PIBF1: variants seen among roughly 807,000 people sequenced by gnomAD.
PIBF1 encodes progesterone immunomodulatory binding factor 1.
In PIBF1, 90 loss-of-function variants were observed where a neutral mutation model predicts 112.5. The observed-to-expected ratio is 0.80, with a 90% CI of 0.67 to 0.95. The LOEUF (loss-of-function observed/expected upper bound fraction) is 0.95. PIBF1 is among the 40% of genes least tolerant of loss of function. The pLI, the probability that PIBF1 is intolerant of heterozygous loss-of-function variation, is 0.00. For missense variants in PIBF1, 915 were observed against 852.3 expected (o/e 1.07, Z -0.92); for synonymous variants, 301 against 288.6 (o/e 1.04, Z -0.44).
At chr13:72,790,214 C>T (rs1445789340) in intron 2 of PIBF1, among the ~76,000 whole-genome samples, 1 of 151,908 alleles carries the variant, frequency 6.6e-6, no homozygotes, top group Non-Finnish European at 1.5e-5. Context: ...CAAAATGGCA[C>T]TAAAATAATA....
At chr13:72,884,151 G>A (rs924615261) in intron 10 of PIBF1, among the ~76,000 whole-genome samples, 1 of 152,054 alleles carries the variant, frequency 6.6e-6, no homozygotes, top group South Asian at 2.1e-4. Flanking sequence ...TTTTGTATTA[G>A]CAGTTTGGAG....
intron 9 of PIBF1, among the ~76,000 whole-genome samples, chr13:72,837,221 T>A (rs1173998510): frequency 6.6e-6 from 1 of 152,078 alleles, no homozygotes; most frequent in East Asian, 1.9e-4. Flanking sequence ...GACATATTAA[T>A]TTTTAAAATA....
intron 9 of PIBF1, among the ~76,000 whole-genome samples, chr13:72,844,872 T>TCAGCCTCCCAAAGTGCTAGGATTA (rs985577598): frequency 1.4e-5 from 2 of 147,410 alleles, no homozygotes; most frequent in Non-Finnish European, 3.0e-5. Context: ...CCCGCCGACC[T>TCAGCCTCCCAAAGTGCTAGGATTA]CAGCCTCCCA....
At chr13:72,791,029 T>A (rs2034895945) in intron 2 of PIBF1, among the ~76,000 whole-genome samples, 1 of 139,508 alleles carries the variant, frequency 7.2e-6, no homozygotes, top group South Asian at 2.4e-4. Context: ...GCTGTGAAAT[T>A]CATGTATTTT....
At chr13:72,848,865 T>G (rs1181871252) in intron 9 of PIBF1, among the ~76,000 whole-genome samples, 1 of 152,154 alleles carries the variant, frequency 6.6e-6, no homozygotes, top group Non-Finnish European at 1.5e-5. Context: ...CTCTTTAAGT[T>G]TCTCATTTGA....
intron 14 of PIBF1, among the ~76,000 whole-genome samples, chr13:72,937,567 CCTAGCA>C (rs1306054036): frequency 2.6e-4 from 40 of 152,152 alleles, no homozygotes; most frequent in Non-Finnish European, 1.2e-4. Flanking sequence ...TGCCTGTAAT[CCTAGCA>C]CTTTGAGAGG....
At chr13:72,982,660 C>T (rs944040925) in intron 16 of PIBF1, among the ~76,000 whole-genome samples, 3 of 152,132 alleles carry the variant, frequency 2.0e-5, no homozygotes, top group African/African-American at 4.8e-5. Context: ...ATAATAAGTA[C>T]TCATTCAGAT....
At chr13:72,864,133 G>A (rs1036465655) in intron 10 of PIBF1, among the ~76,000 whole-genome samples, 5 of 152,172 alleles carry the variant, frequency 3.3e-5, no homozygotes, top group African/African-American at 1.2e-4. Context: ...ACTAAATCCT[G>A]CTTAAGGCCA....
intron 5 of PIBF1, among the ~76,000 whole-genome samples, chr13:72,817,610 G>A (rs1270876639): frequency 6.6e-6 from 1 of 152,114 alleles, no homozygotes; most frequent in East Asian, 1.9e-4. Flanking sequence ...AGTAATGGCT[G>A]CCCACAGCAC....
chr13:72,925,951 A>C (rs551882613), intron 13 of PIBF1, among the ~76,000 whole-genome samples: 2 of 152,182 alleles, frequency 1.3e-5, no homozygotes, highest in Admixed American at 1.3e-4. Context: ...CAGTTTATCC[A>C]ATTTTTTTTG....
intron 11 of PIBF1, among the ~76,000 whole-genome samples, chr13:72,905,019 C>A (rs1241316532): frequency 6.6e-6 from 1 of 151,448 alleles, no homozygotes; most frequent in Middle Eastern, 3.4e-3. Context: ...AGTGACTGAA[C>A]TGTGATTAGA....
intron 14 of PIBF1, among the ~76,000 whole-genome samples, chr13:72,933,845 T>G (rs2041784711): frequency 6.6e-6 from 1 of 152,214 alleles, no homozygotes; most frequent in Non-Finnish European, 1.5e-5. Context: ...ATTTATGATG[T>G]GAAATGGTAT....
chr13:72,950,838 T>C (rs1408100698), intron 14 of PIBF1, among the ~76,000 whole-genome samples: 1 of 152,140 alleles, frequency 6.6e-6, no homozygotes, highest in Non-Finnish European at 1.5e-5. Context: ...TATATACTCA[T>C]TTAGAACCTA....
intron 5 of PIBF1, 149 bp downstream of exon 5, chr13:72,798,175 T>A: frequency 1.4e-6 from 1 of 735,948 alleles, no homozygotes; most frequent in Non-Finnish European, 2.1e-6. Flanking sequence ...GGAAGGAGGT[T>A]AAATTGGAAG....
At chr13:72,833,996 A>T (rs961479169) in intron 8 of PIBF1, among the ~76,000 whole-genome samples, 2 of 152,186 alleles carry the variant, frequency 1.3e-5, no homozygotes, top group African/African-American at 4.8e-5. Flanking sequence ...TTTCTTTTAG[A>T]TAGATAGATA....
At chr13:72,925,492 C>T (rs990755083) in intron 13 of PIBF1, among the ~76,000 whole-genome samples, 1 of 150,660 alleles carries the variant, frequency 6.6e-6, no homozygotes, top group Non-Finnish European at 1.5e-5. Context: ...TTTTTTCTTC[C>T]ATTCTGCAGA....
At chr13:72,814,719 G>A (rs551878205) in intron 5 of PIBF1, among the ~76,000 whole-genome samples, 6 of 151,678 alleles carry the variant, frequency 4.0e-5, no homozygotes, top group African/African-American at 9.7e-5. Flanking sequence ...ATCTGTAGCC[G>A]GAAATGCCTT....
chr13:72,817,969 A>C (rs1319253077), intron 5 of PIBF1, among the ~76,000 whole-genome samples: 1 of 152,156 alleles, frequency 6.6e-6, no homozygotes, highest in Non-Finnish European at 1.5e-5. Context: ...TTGTAAATAA[A>C]GTGCTGGTCG....
intron 17 of PIBF1, among the ~76,000 whole-genome samples, chr13:73,012,957 A>G (rs897742750): frequency 6.6e-6 from 1 of 151,876 alleles, no homozygotes; most frequent in East Asian, 1.9e-4. Context: ...CAGACACCAA[A>G]TATCCAAGGA....
Sources: gnomAD v4.1 joint callset for allele counts (sites outside exome capture counted in the v4.1 genomes callset) on GRCh38, gnomAD v4.1.1 for gene constraint, MANE v1.5 for transcripts, NCBI Gene and HGNC (gene_info 2026-07-23, HGNC 2026-07-21) for gene names.